AGXT2: variants seen among roughly 807,000 people sequenced by gnomAD.
The protein encoded by AGXT2 is alanine--glyoxylate aminotransferase 2, mitochondrial.
In AGXT2, 61 loss-of-function variants were observed where a neutral mutation model predicts 62.5. That is an observed-to-expected ratio of 0.98 (90% confidence interval 0.79 to 1.21). The LOEUF is 1.21. AGXT2 is among the 50% of genes most tolerant of loss of function. AGXT2 has a pLI of 0.00. For missense variants in AGXT2, 666 were observed against 641.5 expected, an observed-to-expected ratio of 1.04 and a Z score of -0.41; for synonymous variants, 243 against 218.7, an observed-to-expected ratio of 1.11 and a Z score of -0.98.
At chr5:35,004,223 T>C (rs2112168624) in intron 12 of AGXT2, among the ~76,000 whole-genome samples, 1 of 152,320 alleles carries the variant, frequency 6.6e-6, no homozygotes, top group East Asian at 1.9e-4. Flanking sequence ...AAATTTTCCT[T>C]AACTCTTCAC....
At chr5:35,012,908 A>G (rs1766698120) in intron 11 of AGXT2, 46 bp downstream of exon 11, 5 of 1,502,950 alleles carry the variant, frequency 3.3e-6, no homozygotes, top group Non-Finnish European at 3.6e-6. Flanking sequence ...GTTTTGAAAG[A>G]GTCATTTGTG....
intron 4 of AGXT2, 76 bp from the exon 5 acceptor site, chr5:35,035,392 A>T: frequency 1.6e-6 from 2 of 1,236,646 alleles, no homozygotes; most frequent in Non-Finnish European, 2.4e-6. Context: ...GCTGAAGGGC[A>T]GGTGTCCAGC....
intron 1 of AGXT2, among the ~76,000 whole-genome samples, chr5:35,044,411 C>A (rs1460556125): frequency 1.3e-5 from 2 of 152,182 alleles, no homozygotes; most frequent in Non-Finnish European, 2.9e-5. Flanking sequence ...TCGGTATCAT[C>A]CGCTCCGGAC....
chr5:35,003,689 A>G, intron 13 of AGXT2, 74 bp downstream of exon 13: 1 of 1,405,780 alleles, frequency 7.1e-7, no homozygotes, highest in Non-Finnish European at 1.0e-6. Context: ...AGCTGTGAAG[A>G]AACTGTGACC....
At chr5:35,046,480 A>T (rs938729652) in intron 1 of AGXT2, among the ~76,000 whole-genome samples, 5 of 152,216 alleles carry the variant, frequency 3.3e-5, no homozygotes, top group African/African-American at 1.2e-4. Flanking sequence ...TCGGAGTCAG[A>T]TAGACCTGGC....
intron 7 of AGXT2, among the ~76,000 whole-genome samples, chr5:35,028,594 AGAGAGAGAGAG>A (rs1561226748): frequency 2.5e-4 from 37 of 149,146 alleles, no homozygotes; most frequent in African/African-American, 8.9e-4. Context: ...AGAGAGAGAG[AGAGAGAGAGAG>A]AGAGAGAGAG....
At chr5:35,047,681 T>C (rs570495254) in intron 1 of AGXT2, 124 bp downstream of exon 1, 2 of 1,259,424 alleles carry the variant, frequency 1.6e-6, no homozygotes, top group African/African-American at 1.5e-5. Flanking sequence ...GTCAAAAACA[T>C]GCCTCATCTC....
chr5:35,020,205 C>T (rs1246665128), intron 9 of AGXT2, among the ~76,000 whole-genome samples: 1 of 152,190 alleles, frequency 6.6e-6, no homozygotes, highest in African/African-American at 2.4e-5. Context: ...AAGAGGGAAT[C>T]CTCCCTAACT....
intron 1 of AGXT2, among the ~76,000 whole-genome samples, chr5:35,047,547 A>T (rs898266062): frequency 6.6e-6 from 1 of 152,212 alleles, no homozygotes; most frequent in South Asian, 2.1e-4. Context: ...CTGAGATAGC[A>T]TGTCATGTTG....
chr5:35,046,932 C>T (rs1579523314), intron 1 of AGXT2, among the ~76,000 whole-genome samples: 3 of 152,312 alleles, frequency 2.0e-5, no homozygotes, highest in African/African-American at 7.2e-5. Context: ...TAGGATATTA[C>T]TCATAAAGCC....
chr5:35,015,545 G>T (rs2112207374), intron 9 of AGXT2, among the ~76,000 whole-genome samples: 1 of 152,180 alleles, frequency 6.6e-6, no homozygotes, highest in South Asian at 2.1e-4. Context: ...ATTCTGAAAT[G>T]CACTTAAAAG....
chr5:35,020,877 T>A (rs1767047656), intron 9 of AGXT2, among the ~76,000 whole-genome samples: 1 of 152,114 alleles, frequency 6.6e-6, no homozygotes, highest in Admixed American at 6.5e-5. Context: ...CAGCAAAGTC[T>A]CAGGATACAA....
chr5:35,024,518 C>T (rs551857211), intron 9 of AGXT2, among the ~76,000 whole-genome samples: 1 of 152,268 alleles, frequency 6.6e-6, no homozygotes, highest in African/African-American at 2.4e-5. Flanking sequence ...ATTTTCTTCC[C>T]ATTAAAGTAA....
chr5:35,031,728 C>T (rs1767562534), intron 7 of AGXT2, among the ~76,000 whole-genome samples: 1 of 152,152 alleles, frequency 6.6e-6, no homozygotes, highest in African/African-American at 2.4e-5. Context: ...TGTCAGCAGC[C>T]TGTAGGAAGG....
chr5:35,014,452 CAAAAAAAAAAA>C (rs61052930), intron 9 of AGXT2, among the ~76,000 whole-genome samples: 1 of 86,258 alleles, frequency 1.2e-5, no homozygotes, highest in Non-Finnish European at 2.1e-5. Flanking sequence ...GACTCCATCT[CAAAAAAAAAAA>C]AAAAAAAAAG....
At chr5:35,006,627 C>A (rs1319776553) in intron 12 of AGXT2, among the ~76,000 whole-genome samples, 2 of 152,154 alleles carry the variant, frequency 1.3e-5, no homozygotes, top group African/African-American at 4.8e-5. Context: ...GGCTCCACCT[C>A]CAACACTGGG....
Position 35,033,524 on chromosome 5 carries a change from G to A in AGXT2, c.611C>T (p.Thr204Ile). 6.2e-7 allele frequency: 1 copy of A among 1,613,880 alleles called. No homozygotes were observed. Among genetic ancestry groups the A allele is most frequent in the Non-Finnish European group, 8.5e-7 (1 of 1,179,746 alleles). The change falls in exon 6 of 14, where the codon ACA (threonine) becomes ATA (isoleucine). Residue 204 changes from threonine (T) to isoleucine (I), a missense_variant. Thr to Ile is a moderately conservative substitution (Grantham distance 89). Transcript: ENST00000231420. The part of the protein sequence containing the change: ...RGAYHGCSPY[T>I]LGLTNVGTYK... ...GGTCCCTACGTTTGTCAAGCCAAGT[G>A]TGTAAGGACTGCATCCATGGTAGGC...
chr5:35,047,369 G>T (rs561473187), intron 1 of AGXT2, among the ~76,000 whole-genome samples: 1 of 152,140 alleles, frequency 6.6e-6, no homozygotes, highest in Non-Finnish European at 1.5e-5. Flanking sequence ...TTTGAGCCTT[G>T]GAGGTCAAGG....
chr5:35,009,777 G>T (rs1233004265), intron 12 of AGXT2, among the ~76,000 whole-genome samples: 1 of 152,116 alleles, frequency 6.6e-6, no homozygotes, highest in African/African-American at 2.4e-5. Flanking sequence ...GATAATGTTG[G>T]TTTCTTTTCC....
Sources: allele counts gnomAD v4.1 joint callset (sites outside exome capture counted in the v4.1 genomes callset), GRCh38; gene constraint gnomAD v4.1.1; transcripts MANE v1.5; gene names NCBI Gene and HGNC (gene_info 2026-07-23, HGNC 2026-07-21).